The following P2RX3 variants were observed in gnomAD, a reference collection of about 807,000 sequenced individuals.
The protein encoded by P2RX3 is P2X purinoceptor 3.
In P2RX3, 41 loss-of-function variants were observed where a neutral mutation model predicts 51.5. The ratio of observed to expected loss-of-function variants is 0.80; its 90% CI spans 0.62 to 1.03. P2RX3 has a LOEUF of 1.03. P2RX3 is among the 50% of genes least tolerant of loss of function. P2RX3 has a pLI of 0.00. For synonymous variants in P2RX3, 185 were observed against 191.6 expected, an observed-to-expected ratio of 0.97 and a Z score of 0.29; for missense variants, 459 against 522.1, an observed-to-expected ratio of 0.88 and a Z score of 1.18.
chr11:57,352,064 T>G (rs973947744), intron 8 of P2RX3, among the ~76,000 whole-genome samples: 1 of 152,176 alleles, frequency 6.6e-6, no homozygotes, highest in Admixed American at 6.5e-5. Flanking sequence ...TCATTTACAT[T>G]TGAACATAAG....
Position 57,371,596 on chromosome 11 carries a change from G to T in P2RX3, c.*1599G>T, listed in dbSNP as rs1026444480. 1.3e-5 allele frequency among the ~76,000 whole-genome samples: 2 copies of T among 152,162 alleles called. No individual in the cohort carries two copies. The highest frequency in any genetic ancestry group is 4.8e-5 in the African/African-American group (2 of 41,446). ...TGACCCCCCGCTCCAGGGGGAGAAG[G>T]GGTAAGACCCACCCCACATAAAGCT... On this transcript the variant is annotated 3_prime_UTR_variant, in exon 12 of 12. Coordinates refer to ENST00000263314, the MANE Select transcript of P2RX3 (RefSeq NM_002559.5).
intron 8 of P2RX3, among the ~76,000 whole-genome samples, chr11:57,367,574 A>T (rs2134450205): frequency 6.6e-6 from 1 of 152,268 alleles, no homozygotes; most frequent in African/African-American, 2.4e-5. Context: ...TACAAAAATT[A>T]GCCAGGGATG....
In P2RX3 at chr11:57,338,473, TC is replaced by T; in HGVS notation, c.-75del. 2.1e-6 allele frequency: 2 copies of T among 962,566 alleles called. No individual in the cohort carries two copies. Among genetic ancestry groups the T allele is most frequent in the Non-Finnish European group, 3.2e-6 (2 of 625,998 alleles). 59.6% of individuals were successfully genotyped at this position (962,566 alleles called of 1,614,324 possible). ...GCCCCCTCCAGGTCGTGATCTCGTC[TC>T]CCTGTCCTGTAGGACCTCCCTCTCC... On this transcript the variant is annotated 5_prime_UTR_variant, in exon 1 of 12. Transcript: ENST00000263314.
chr11:57,339,149 C>G (rs1230323877), intron 1 of P2RX3, among the ~76,000 whole-genome samples: 1 of 152,016 alleles, frequency 6.6e-6, no homozygotes, highest in Non-Finnish European at 1.5e-5. Flanking sequence ...AGTTGGTGGC[C>G]GGGAGGGAAA....
intron 1 of P2RX3, 115 bp downstream of exon 1, chr11:57,338,784 A>G (rs1380868932): frequency 2.9e-6 from 2 of 697,056 alleles, no homozygotes; most frequent in Non-Finnish European, 2.5e-6. Flanking sequence ...CCTGGGGGAA[A>G]CAGTTTCTTC....
At chr11:57,336,725 A>G (rs1856228628), upstream of P2RX3, among the ~76,000 whole-genome samples, 1 of 152,180 alleles carries the variant, frequency 6.6e-6, no homozygotes, top group South Asian at 2.1e-4. Flanking sequence ...GTTCAGAATG[A>G]CTATTGATAT....
At position 57,348,628 on chromosome 11, in the gene P2RX3, C is replaced by A. The variant is rs1166132957; in HGVS notation, c.487C>A (p.Pro163Thr). The A allele has an allele frequency of 6.2e-7, 1 of 1,613,208 alleles. No individual in the cohort carries two copies. The highest frequency in any genetic ancestry group is 2.2e-5 in the East Asian group (1 of 44,892). The change falls in exon 6 of 12, where the codon CCC (proline) becomes ACC (threonine). Residue 163 changes from proline to threonine, a missense_variant and splice_region_variant. Physicochemically the swap from Pro to Thr is conservative, Grantham distance 38 (BLOSUM62 -1). Transcript: ENST00000263314. ...AAGGCCTCCTGTGCTCACCCACAGG[C>A]CCATCATGATGGAAGCTGAGAACTT... ...CPTEVDTVET[P>T]IMMEAENFTI...
chr11:57,366,766 G>A (rs1015462376), intron 8 of P2RX3, among the ~76,000 whole-genome samples: 8 of 152,302 alleles, frequency 5.3e-5, no homozygotes, highest in African/African-American at 1.7e-4. Flanking sequence ...CTCGGGCGCA[G>A]GGTGTCACAT....
intron 11 of P2RX3, among the ~76,000 whole-genome samples, 190 bp from the exon 12 acceptor site, chr11:57,369,694 G>A (rs1331699741): frequency 6.6e-6 from 1 of 152,180 alleles, no homozygotes; most frequent in Non-Finnish European, 1.5e-5. Flanking sequence ...AGGACTAGGG[G>A]AGGCCATGGG....
At chr11:57,369,744 G>C (rs1856853022) in intron 11 of P2RX3, 140 bp from the exon 12 acceptor site, 1 of 681,494 alleles carries the variant, frequency 1.5e-6, no homozygotes, top group South Asian at 1.8e-5. Flanking sequence ...TACATGGGAG[G>C]GGCCTTGGGA....
At chr11:57,355,685 G>C (rs1451226829) in intron 8 of P2RX3, among the ~76,000 whole-genome samples, 1 of 152,182 alleles carries the variant, frequency 6.6e-6, no homozygotes, top group African/African-American at 2.4e-5. Context: ...CATTCTCAGA[G>C]TAATAAATCC....
Position 57,371,998 on chromosome 11 carries a change from G to A in P2RX3, c.*2001G>A, listed in dbSNP as rs981685416. Among the ~76,000 whole-genome samples the A allele has an allele frequency of 4.0e-5, 6 of 150,824 alleles. No individual in the cohort carries two copies. Among genetic ancestry groups the A allele is most frequent in the South Asian group, 2.1e-4 (1 of 4,698 alleles). ...GTGTGTGAGCCTGAGGTTGTCCTCCGCATATCTGAACTAAGTTACCACTTC... is the reference window on the plus strand; with the variant it reads ...GTGTGTGAGCCTGAGGTTGTCCTCCACATATCTGAACTAAGTTACCACTTC... On this transcript the variant is annotated 3_prime_UTR_variant, in exon 12 of 12. Transcript: ENST00000263314.
At position 57,370,553 on chromosome 11, in the gene P2RX3, C is replaced by T. The variant is rs1477249472; in HGVS notation, c.*556C>T. 2.0e-5 allele frequency: 3 copies of T among 152,536 alleles called. No homozygotes were observed. The highest frequency in any genetic ancestry group is 4.4e-5 in the Non-Finnish European group (3 of 68,302). The allele number at this position is 152,536 out of a possible 1,614,324, so 9.4% of individuals were successfully genotyped here. A position where few individuals can be genotyped will look rare whatever the true frequency, so the allele number is the denominator to read the frequency against. On this transcript the variant is annotated 3_prime_UTR_variant, in exon 12 of 12. Transcript: ENST00000263314. ...CCAGGGTCCATCAGCCCTGCTGCTT[C>T]AGCCGCCTCCACCCTGACGGTGATT...
rs549374829 is a variant in P2RX3, at chr11:57,346,507, T to G, written c.120-37T>G. 14 of 1,609,038 alleles carry G rather than the reference T, an allele frequency of 8.7e-6. No individual in the cohort carries two copies. The East Asian group carries it at 2.0e-4, about 23-fold the overall frequency. On this transcript the variant is annotated intron_variant, in intron 1 of 11. Coordinates refer to ENST00000263314, the MANE Select transcript of P2RX3 (RefSeq NM_002559.5). ...GCTTCTGTCTGCTGGGTCTATGGAC[T>G]CCTCTCTTTCTCTTCATTTATGCTC...
At chr11:57,362,565 A>G (rs1296214057) in intron 8 of P2RX3, among the ~76,000 whole-genome samples, 1 of 152,214 alleles carries the variant, frequency 6.6e-6, no homozygotes, top group Non-Finnish European at 1.5e-5. Context: ...TAGCAAATGC[A>G]AAAAGATGCA....
chr11:57,353,846 C>CA (rs1392578975), intron 8 of P2RX3, among the ~76,000 whole-genome samples: 9 of 120,854 alleles, frequency 7.4e-5, no homozygotes, highest in Non-Finnish European at 1.6e-4. Context: ...CTCCCCCCCC[C>CA]CCGCCCCTAT....
intron 8 of P2RX3, among the ~76,000 whole-genome samples, chr11:57,351,225 G>T (rs979215528): frequency 6.6e-6 from 1 of 152,218 alleles, no homozygotes; most frequent in African/African-American, 2.4e-5. Flanking sequence ...AAACTGTGAC[G>T]TGCTTAAGTG....
chr11:57,346,537 G>T lies in P2RX3; in HGVS notation c.120-7G>T. 1 of 1,613,876 alleles carries T rather than the reference G, an allele frequency of 6.2e-7. No homozygotes were observed. Among genetic ancestry groups the T allele is most frequent in the Non-Finnish European group, 8.5e-7 (1 of 1,179,938 alleles). ...TCTTTCTCTTCATTTATGCTCTCCT[G>T]CCCCAGGTGGGTTTTCTTGCACGAG... On this transcript the variant is annotated splice_polypyrimidine_tract_variant and splice_region_variant and intron_variant, in intron 1 of 11. Transcript: ENST00000263314.
intron 8 of P2RX3, among the ~76,000 whole-genome samples, chr11:57,366,859 AG>A (rs1194973553): frequency 6.6e-6 from 1 of 152,074 alleles, no homozygotes; most frequent in African/African-American, 2.4e-5. Context: ...CTCCCATGAT[AG>A]CCCATTAATC....
Sources: allele counts gnomAD v4.1 joint callset (sites outside exome capture counted in the v4.1 genomes callset), GRCh38; gene constraint gnomAD v4.1.1; transcripts MANE v1.5; gene names NCBI Gene and HGNC (gene_info 2026-07-23, HGNC 2026-07-21).